Variants in LRRC37A3 observed in about 807,000 individuals in gnomAD.
LRRC37A3 encodes the protein leucine-rich repeat-containing protein 37A3.
Under a neutral mutation model 106.2 loss-of-function variants are expected in LRRC37A3, and 25 were observed. The observed-to-expected ratio is 0.24, with a 90% CI of 0.17 to 0.33. LRRC37A3 has a LOEUF of 0.33. Ranked by LOEUF, LRRC37A3 falls within the 10% of genes least tolerant of loss-of-function variation. The pLI is 1.00. For synonymous variants in LRRC37A3, 305 were observed against 635.8 expected, an observed-to-expected ratio of 0.48 and a Z score of 7.83; for missense variants, 712 against 1,644.9, an observed-to-expected ratio of 0.43 and a Z score of 9.81.
intron 11 of LRRC37A3, among the ~76,000 whole-genome samples, chr17:64,861,648 C>A (rs1177318472): frequency 6.6e-6 from 1 of 152,184 alleles, no homozygotes; most frequent in Non-Finnish European, 1.5e-5. Flanking sequence ...AAGAGTTTTT[C>A]AAATTTGCCA....
chr17:64,890,572 C>G, intron 5 of LRRC37A3, among the ~76,000 whole-genome samples: 1 of 101,544 alleles, frequency 9.8e-6, no homozygotes, highest in East Asian at 2.7e-4. Context: ...TGGCTCATGC[C>G]TGTAATCCCA....
rs769037488 is a variant in LRRC37A3 at position 64,860,531 on chromosome 17, C to A, written c.3615G>T (p.Arg1205Ser). Reference protein sequence around the residue: ...ASVENTAEEKRLGSPAPRELK... With the variant: ...ASVENTAEEKSLGSPAPRELK... ...GCTCCCTTGGGGCTGGACTTCCGAGCCTTTTTTCTTCGGCAGTGTTCTCCA... is the reference window on the plus strand; with the variant it reads ...GCTCCCTTGGGGCTGGACTTCCGAGACTTTTTTCTTCGGCAGTGTTCTCCA... Residue 1205 changes from arginine (R) to serine (S), a missense_variant, in exon 12 of 15, where the codon AGG becomes AGT. Transcript: ENST00000584306. 6.2e-6 allele frequency: 10 copies of A among 1,612,722 alleles called. No homozygotes were observed. Among genetic ancestry groups the A allele is most frequent in the African/African-American group, 1.3e-5 (1 of 74,846 alleles).
intron 8 of LRRC37A3, among the ~76,000 whole-genome samples, chr17:64,881,404 T>C (rs1973698479): frequency 7.2e-6 from 1 of 139,342 alleles, no homozygotes; most frequent in African/African-American, 2.7e-5. Flanking sequence ...CCCGTCCCCA[T>C]GCCTGGTTAA....
At chr17:64,882,510 G>A (rs912503348) in intron 8 of LRRC37A3, among the ~76,000 whole-genome samples, 1 of 152,166 alleles carries the variant, frequency 6.6e-6, no homozygotes, top group African/African-American at 2.4e-5. Flanking sequence ...GACTCGAGTT[G>A]TTCTTTTTGT....
At position 64,896,203 on chromosome 17, in the gene LRRC37A3, T is replaced by TC. The variant is rs781079986; in HGVS notation, c.1054dup (p.Glu352GlyfsTer3). The TC allele has an allele frequency of 6.2e-7, 1 of 1,603,914 alleles. No individual in the cohort carries two copies. The highest frequency in any genetic ancestry group is 8.5e-7 in the Non-Finnish European group (1 of 1,179,584). On this transcript the variant is annotated frameshift_variant, in exon 4 of 15. Coordinates refer to ENST00000584306, the MANE Select transcript of LRRC37A3 (RefSeq NM_199340.5). LOFTEE classifies it high-confidence loss of function. Reference sequence around the variant, plus strand: ...CTGCTCACTGATGGAAAGTTCATGCTCCATAGGAGGAACTGGAGGCTCAAT... The same window carrying TC: ...CTGCTCACTGATGGAAAGTTCATGCTCCCATAGGAGGAACTGGAGGCTCAAT...
rs867827219 is a variant in LRRC37A3 at position 64,913,047 on chromosome 17, G to A, written c.-496+5703C>T. Among the ~76,000 whole-genome samples, 67 of 144,392 alleles carry A rather than the reference G, an allele frequency of 4.6e-4. No homozygotes were observed. The Middle Eastern group carries it at 0.019, about 41-fold the overall frequency. The allele number at this position is 144,392 out of a possible 152,430, so 94.7% of individuals were successfully genotyped here. Reference sequence around the variant, plus strand: ...AAGTAATTTTTTTTTTTTTTCCCCCGAGATGGAGTCTTGCTCTGTTACCCA... The same window carrying A: ...AAGTAATTTTTTTTTTTTTTCCCCCAAGATGGAGTCTTGCTCTGTTACCCA... On this transcript the variant is annotated intron_variant, in intron 2 of 14. Coordinates refer to ENST00000584306, the MANE Select transcript of LRRC37A3 (RefSeq NM_199340.5).
rs1353868991 is a variant in LRRC37A3, at chr17:64,869,133, T to A, written c.2940A>T (p.Glu980Asp). Reference protein sequence around the residue: ...ILNHNPLTTVEDPYLFKLPAL... With the variant: ...ILNHNPLTTVDDPYLFKLPAL... ...CTGGCAATTTAAAGAGATATGGATC[T>A]TCAACAGTTGTCAGAGGATTGTGAT... Residue 980 changes from glutamate to aspartate, a missense_variant, in exon 9 of 15, where the codon GAA (glutamate) becomes GAT (aspartate). Transcript: ENST00000584306. The A allele has an allele frequency of 1.1e-5, 18 of 1,613,074 alleles. No individual in the cohort carries two copies. Among genetic ancestry groups the A allele is most frequent in the Admixed American group, 1.7e-5 (1 of 59,886 alleles).
At position 64,860,517 on chromosome 17, in the gene LRRC37A3, G is replaced by T. The variant is rs766009680; in HGVS notation, c.3629C>A (p.Ala1210Asp). Residue 1210 changes from alanine to aspartate, a missense_variant, in exon 12 of 15, where the codon GCC (alanine) becomes GAC (aspartate). Physicochemically the swap from Ala to Asp is moderately radical, Grantham distance 126 (BLOSUM62 -2). Coordinates refer to ENST00000584306, the MANE Select transcript of LRRC37A3 (RefSeq NM_199340.5). ...TAEEKRLGSP[A>D]PRELKQPHTQ... ...GTGAGGCTGTTTCAGCTCCCTTGGG[G>T]CTGGACTTCCGAGCCTTTTTTCTTC... 2 of 1,612,914 alleles carry T rather than the reference G, an allele frequency of 1.2e-6. No homozygotes were observed. Among genetic ancestry groups the T allele is most frequent in the Admixed American group, 1.7e-5 (1 of 60,010 alleles).
intron 10 of LRRC37A3, among the ~76,000 whole-genome samples, chr17:64,867,857 T>C (rs1973171087): frequency 6.6e-6 from 1 of 151,982 alleles, no homozygotes; most frequent in African/African-American, 2.4e-5. Flanking sequence ...GCGGATCACT[T>C]GAGGTCAGGA....
intron 2 of LRRC37A3, among the ~76,000 whole-genome samples, chr17:64,910,803 G>A (rs1005397856): frequency 8.7e-5 from 13 of 148,880 alleles, no homozygotes; most frequent in South Asian, 4.4e-4. Context: ...CACCACACCC[G>A]GCTAATTTTT....
chr17:64,860,014 G>A lies in LRRC37A3; in HGVS notation c.4132C>T (p.Pro1378Ser). The change falls in exon 12 of 15, where the codon CCT (proline) becomes TCT (serine). Residue 1378 changes from proline (P) to serine (S), a missense_variant. Pro to Ser is a moderately conservative substitution (Grantham distance 74). Transcript: ENST00000584306. ...TTGTTTTCTATAAAATGTTCTGAAG[G>A]AGCAGATACTTCCAGAAAAGGATTT... is the stretch of plus-strand genomic sequence containing the variant. ...QENPFLEVSA[P>S]SEHFIENNNT... The A allele has an allele frequency of 6.2e-7, 1 of 1,613,852 alleles. No individual in the cohort carries two copies. Among genetic ancestry groups the A allele is most frequent in the South Asian group, 1.1e-5 (1 of 91,074 alleles).
In LRRC37A3 at chr17:64,860,356, C is replaced by A. The variant is rs146623484; in HGVS notation, c.3790G>T (p.Ala1264Ser). 6.2e-7 allele frequency: 1 copy of A among 1,613,926 alleles called. No individual in the cohort carries two copies. The highest frequency in any genetic ancestry group is 1.1e-5 in the South Asian group (1 of 91,074). ...CATCTGTCTCTCACCTGTGGTAGGG[C>A]TTTTGCAGGGCTGGAGGTAGAAGGC... Reference protein sequence around the residue: ...GAPSTSSPAKALPQVRDRWKD... With the variant: ...GAPSTSSPAKSLPQVRDRWKD... The change falls in exon 12 of 15, where the codon GCC becomes TCC. Residue 1264 changes from alanine to serine, a missense_variant. Coordinates refer to ENST00000584306, the MANE Select transcript of LRRC37A3 (RefSeq NM_199340.5).
chr17:64,854,328 T>A lies in LRRC37A3; in HGVS notation c.*271A>T. 1.7e-6 allele frequency: 1 copy of A among 574,936 alleles called. No individual in the cohort carries two copies. Among genetic ancestry groups the A allele is most frequent in the Non-Finnish European group, 3.1e-6 (1 of 323,706 alleles). The allele number at this position is 574,936 out of a possible 1,614,324, so 35.6% of individuals were successfully genotyped here. A position where few individuals can be genotyped will look rare whatever the true frequency, so the allele number is the denominator to read the frequency against. On this transcript the variant is annotated 3_prime_UTR_variant, in exon 15 of 15. Transcript: ENST00000584306. ...CCCTGTGGGCAGGAGTTCAAGTATG[T>A]GGTATTATATGACTGGTGCTTGATG...
intron 2 of LRRC37A3, chr17:64,910,166 A>C (rs1249946006): frequency 9.8e-5 from 15 of 152,364 alleles, no homozygotes; most frequent in African/African-American, 3.4e-4. Flanking sequence ...ATTTTTAATA[A>C]AAACTTTGCC....
chr17:64,858,563 G>T (rs545676704), intron 13 of LRRC37A3, among the ~76,000 whole-genome samples: 6 of 152,122 alleles, frequency 3.9e-5, no homozygotes, highest in Non-Finnish European at 5.9e-5. Context: ...GGATTAACTT[G>T]GTTTCAATTC....
intron 8 of LRRC37A3, chr17:64,871,474 A>AC (rs1973310051): frequency 6.6e-6 from 1 of 150,502 alleles, no homozygotes. Context: ...GGTCAATGAG[A>AC]CTTTTTTTTT....
chr17:64,854,646 T>A lies in LRRC37A3; in HGVS notation c.4860-2A>T. ...TCCTCCGTTGGGGCTTCGCTGTCCCTGGGATAAGAATAACAATGCCAAGGT... is the reference window on the plus strand; with the variant it reads ...TCCTCCGTTGGGGCTTCGCTGTCCCAGGGATAAGAATAACAATGCCAAGGT... On this transcript the variant is annotated splice_acceptor_variant, in intron 14 of 14. Coordinates refer to ENST00000584306, the MANE Select transcript of LRRC37A3 (RefSeq NM_199340.5). LOFTEE classifies it high-confidence loss of function. The A allele has an allele frequency of 6.2e-7, 1 of 1,613,550 alleles. No homozygotes were observed. The highest frequency in any genetic ancestry group is 8.5e-7 in the Non-Finnish European group (1 of 1,179,862).
chr17:64,893,974 G>A (rs1168511183), intron 4 of LRRC37A3, among the ~76,000 whole-genome samples: 1 of 147,248 alleles, frequency 6.8e-6, no homozygotes, highest in Non-Finnish European at 1.5e-5. Flanking sequence ...TCATTTTTGT[G>A]TTCTGGAGAC....
intron 14 of LRRC37A3, among the ~76,000 whole-genome samples, chr17:64,855,199 G>A (rs1414479503): frequency 6.6e-6 from 1 of 151,518 alleles, no homozygotes; most frequent in African/African-American, 2.4e-5. Context: ...AGAAAATAGT[G>A]TTTCCTCAGT....
Sources: gnomAD v4.1 joint callset for allele counts (sites outside exome capture counted in the v4.1 genomes callset) on GRCh38, gnomAD v4.1.1 for gene constraint, MANE v1.5 for transcripts, NCBI Gene and HGNC (gene_info 2026-07-23, HGNC 2026-07-21) for gene names.